The following MAST2 variants were observed in gnomAD, a reference collection of about 807,000 sequenced individuals.
The protein encoded by MAST2 is microtubule associated serine/threonine kinase 2.
MAST2 carries 70 observed loss-of-function variants against 147.4 expected under a neutral mutation model. That is an observed-to-expected ratio of 0.47 (90% CI 0.39 to 0.58). MAST2 has a LOEUF of 0.58. Ranked by LOEUF, MAST2 falls within the 20% of genes least tolerant of loss-of-function variation. The pLI is 0.00. For synonymous variants in MAST2, 869 were observed against 896.8 expected (o/e 0.97, Z 0.55); for missense variants, 2,080 against 2,302.3 (o/e 0.90, Z 1.98).
chr1:45,942,326 A>G (rs1026126106), intron 4 of MAST2, among the ~76,000 whole-genome samples: 4 of 152,158 alleles, frequency 2.6e-5, no homozygotes, highest in African/African-American at 9.7e-5. Flanking sequence ...CCAGCACTTT[A>G]TAAGACAAAG....
intron 2 of MAST2, among the ~76,000 whole-genome samples, chr1:45,828,456 A>T (rs1418556733): frequency 1.3e-5 from 2 of 152,172 alleles, no homozygotes; most frequent in Non-Finnish European, 2.9e-5. Context: ...GGATTTATGG[A>T]GGGTCTTTTT....
intron 5 of MAST2, among the ~76,000 whole-genome samples, chr1:45,968,091 A>C (rs1643686180): frequency 6.6e-6 from 1 of 152,214 alleles, no homozygotes; most frequent in Non-Finnish European, 1.5e-5. Context: ...TTGGGCTTTC[A>C]GATTTGGGAT....
At chr1:45,897,911 C>T (rs749590022) in intron 4 of MAST2, among the ~76,000 whole-genome samples, 5 of 151,944 alleles carry the variant, frequency 3.3e-5, no homozygotes, top group Non-Finnish European at 5.9e-5. Context: ...TCGAGACCAG[C>T]CTGGCCAACA....
intron 4 of MAST2, among the ~76,000 whole-genome samples, chr1:45,906,572 ATGT>A (rs1421011028): frequency 6.7e-6 from 1 of 149,118 alleles, no homozygotes; most frequent in African/African-American, 2.4e-5. Context: ...CAATGTTTAT[ATGT>A]TATTATTATA....
chr1:45,891,506 A>G (rs1402299227), intron 4 of MAST2, among the ~76,000 whole-genome samples: 1 of 152,216 alleles, frequency 6.6e-6, no homozygotes, highest in Non-Finnish European at 1.5e-5. Flanking sequence ...AAATTATTTC[A>G]CATAACGTCA....
chr1:45,928,819 A>G (rs1315410995), intron 4 of MAST2, among the ~76,000 whole-genome samples: 1 of 151,562 alleles, frequency 6.6e-6, no homozygotes, highest in Admixed American at 6.6e-5. Context: ...ATTTTAATCT[A>G]GGGTGTTCTC....
At chr1:46,000,120 C>T (rs1645213151) in intron 6 of MAST2, among the ~76,000 whole-genome samples, 1 of 152,170 alleles carries the variant, frequency 6.6e-6, no homozygotes, top group Non-Finnish European at 1.5e-5. Flanking sequence ...TTGAGACCAG[C>T]CTGGCCAACA....
chr1:46,029,508 A>G lies in MAST2; in HGVS notation c.2261A>G (p.Asp754Gly). The G allele has an allele frequency of 6.2e-7, 1 of 1,614,094 alleles. No individual in the cohort carries two copies. Among genetic ancestry groups the G allele is most frequent in the Non-Finnish European group, 8.5e-7 (1 of 1,180,000 alleles). Reference protein sequence around the residue: ...WPEGDEALPPDAQDLTSKLLH... With the variant: ...WPEGDEALPPGAQDLTSKLLH... ...GAGGGTGATGAGGCACTGCCCCCAG[A>G]CGCCCAGGACCTCACCTCCAAACTG... The change falls in exon 19 of 29, where the codon GAC (aspartate) becomes GGC (glycine). Residue 754 changes from aspartate (D) to glycine (G), a missense_variant. By Grantham distance (94) the Asp-to-Gly change is moderately conservative. This residue lies in a region of MAST2 where 209 missense variants were observed against 309.5 expected (regional missense o/e 0.68). Transcript: ENST00000361297.
intron 3 of MAST2, among the ~76,000 whole-genome samples, chr1:45,857,177 TCTATTA>T (rs1460301538): frequency 6.6e-6 from 1 of 152,214 alleles, no homozygotes; most frequent in Non-Finnish European, 1.5e-5. Flanking sequence ...TTTATCTATT[TCTATTA>T]ACAGTTGTAT....
intron 5 of MAST2, among the ~76,000 whole-genome samples, chr1:45,986,176 A>G (rs1401101887): frequency 1.3e-5 from 2 of 152,204 alleles, no homozygotes; most frequent in Non-Finnish European, 2.9e-5. Context: ...TGTCATAGAT[A>G]CCCTTTATCA....
At position 46,031,867 on chromosome 1, in the gene MAST2, TA is replaced by T. The variant is rs1264924191; in HGVS notation, c.3187+284del. 6.6e-6 allele frequency among the ~76,000 whole-genome samples: 1 copy of T among 152,210 alleles called. No homozygotes were observed. Among genetic ancestry groups the T allele is most frequent in the African/African-American group, 2.4e-5 (1 of 41,450 alleles). ...CCTTGAGCAAGTTGCTTAACTTCTC[TA>T]AGCCTCAAGTTTCTTATCCAAAAAT... On this transcript the variant is annotated intron_variant, in intron 24 of 28. Coordinates refer to ENST00000361297, the MANE Select transcript of MAST2 (RefSeq NM_015112.3). The surrounding 1 kb of genome is among the most constrained non-coding windows in gnomAD (Gnocchi z 4.1).
At chr1:45,894,351 T>C (rs960068351) in intron 4 of MAST2, among the ~76,000 whole-genome samples, 1 of 152,222 alleles carries the variant, frequency 6.6e-6, no homozygotes. Context: ...GCTTGAGAAA[T>C]AATACCTGGT....
intron 1 of MAST2, among the ~76,000 whole-genome samples, chr1:45,815,234 A>G (rs1644417485): frequency 1.4e-5 from 2 of 146,950 alleles, no homozygotes; most frequent in South Asian, 4.2e-4. Context: ...CAATGGCGTG[A>G]TCTCGGTTCA....
At chr1:45,877,470 C>T (rs776220930) in intron 3 of MAST2, among the ~76,000 whole-genome samples, 2 of 152,050 alleles carry the variant, frequency 1.3e-5, no homozygotes, top group Non-Finnish European at 2.9e-5. Context: ...GGCCCCACCT[C>T]GTAATACTAT....
chr1:46,027,847 A>G lies in MAST2; in HGVS notation c.2036A>G (p.Glu679Gly). The G allele has an allele frequency of 6.2e-7, 1 of 1,614,138 alleles. No homozygotes were observed. The highest frequency in any genetic ancestry group is 2.2e-5 in the East Asian group (1 of 44,876). ...YEGHIEKDAREFLDKQVCGTP... is the reference protein window; with the variant it reads ...YEGHIEKDARGFLDKQVCGTP... ...GGTCATATTGAAAAGGATGCCCGGG[A>G]ATTCCTGGACAAGCAGGTAAGGAAG... The change falls in exon 17 of 29, where the codon GAA (glutamate) becomes GGA (glycine). Residue 679 changes from glutamate to glycine, a missense_variant. Around this residue, in one of 4 missense-constraint regions of MAST2, gnomAD observed 209 missense variants for 309.5 expected, o/e 0.68. Coordinates refer to ENST00000361297, the MANE Select transcript of MAST2 (RefSeq NM_015112.3).
Position 46,027,862 on chromosome 1 carries a change from A to C in MAST2, c.2051A>C (p.Gln684Pro). The change falls in exon 17 of 29, where the codon CAG becomes CCG. Residue 684 changes from glutamine to proline, a missense_variant and splice_region_variant. Physicochemically the swap from Gln to Pro is moderately conservative, Grantham distance 76. Around this residue, in one of 4 missense-constraint regions of MAST2, gnomAD observed 209 missense variants for 309.5 expected, o/e 0.68. Coordinates refer to ENST00000361297, the MANE Select transcript of MAST2 (RefSeq NM_015112.3). Reference sequence around the variant, plus strand: ...GATGCCCGGGAATTCCTGGACAAGCAGGTAAGGAAGGGTAGTTGATACACT... The same window carrying C: ...GATGCCCGGGAATTCCTGGACAAGCCGGTAAGGAAGGGTAGTTGATACACT... ...EKDAREFLDKQVCGTPEYIAP... is the reference protein window; with the variant it reads ...EKDAREFLDKPVCGTPEYIAP... The C allele has an allele frequency of 6.2e-7, 1 of 1,614,064 alleles. No individual in the cohort carries two copies. Among genetic ancestry groups the C allele is most frequent in the South Asian group, 1.1e-5 (1 of 91,068 alleles).
In MAST2 at chr1:46,008,378, A is replaced by G. The variant is rs1645574441; in HGVS notation, c.978+7A>G. ...CAAAGAAAGATTCCCAAAGGTAAGG[A>G]TCCATTTAAAAGGAGAGTGGCAATA... On this transcript the variant is annotated splice_region_variant and intron_variant, in intron 9 of 28. Transcript: ENST00000361297. 1.9e-6 allele frequency: 3 copies of G among 1,606,020 alleles called. No homozygotes were observed. In the East Asian group the frequency reaches 6.7e-5, roughly 36 times the overall value.
chr1:46,014,768 T>A (rs10449767), intron 10 of MAST2, among the ~76,000 whole-genome samples: 121,132 of 152,020 alleles, frequency 0.8, 48,741 homozygotes, highest in East Asian at 0.98. Flanking sequence ...CAGATCAGCG[T>A]GACAGAAAGT....
intron 4 of MAST2, among the ~76,000 whole-genome samples, chr1:45,908,519 T>C (rs1651147983): frequency 6.6e-6 from 1 of 152,238 alleles, no homozygotes; most frequent in African/African-American, 2.4e-5. Flanking sequence ...CTAATTTTCT[T>C]TGTCATTTCA....
Sources: allele counts gnomAD v4.1 joint callset (sites outside exome capture counted in the v4.1 genomes callset), GRCh38; gene constraint gnomAD v4.1.1; regional missense constraint gnomAD v4.1.1; non-coding constraint Gnocchi (gnomAD v3.1); transcripts MANE v1.5; gene names NCBI Gene and HGNC (gene_info 2026-07-23, HGNC 2026-07-21).